The following BRSK1 variants were observed in gnomAD, a reference collection of about 807,000 sequenced individuals.
BRSK1 encodes serine/threonine-protein kinase BRSK1.
BRSK1 carries 17 observed loss-of-function variants against 86.2 expected under a neutral mutation model. The ratio of observed to expected loss-of-function variants is 0.20; its 90% CI spans 0.14 to 0.30. BRSK1 has a LOEUF of 0.30. Among genes scored for constraint, BRSK1 ranks in the 10% least tolerant of loss-of-function variants. The probability of loss-of-function intolerance (pLI) is 1.00; values close to 1 mark genes in which losing one functional copy is unlikely to be tolerated. For missense variants in BRSK1, 719 were observed against 1,071.9 expected, an observed-to-expected ratio of 0.67 and a Z score of 4.60; for synonymous variants, 464 against 440.1, an observed-to-expected ratio of 1.05 and a Z score of -0.68.
Position 55,303,863 on chromosome 19 carries a change from C to G in BRSK1, c.1286+37C>G. ...TGTCCCTCCAGGAGGATCCACAATC[C>G]CTGGGTCTAGGAGTTCAAGATTCTA... On this transcript the variant is annotated intron_variant, in intron 12 of 18. Transcript: ENST00000309383. This position sits in a 1 kb window ranked among gnomAD's most constrained non-coding sequence, Gnocchi z 5.1. The G allele has an allele frequency of 6.5e-7, 1 of 1,540,316 alleles. No homozygotes were observed. Among genetic ancestry groups the G allele is most frequent in the Non-Finnish European group, 8.7e-7 (1 of 1,144,592 alleles).
rs1202149363 is a variant in BRSK1 at position 55,302,718 on chromosome 19, C to T, written c.879C>T (p.Asp293=). The change falls in exon 10 of 19, where the codon GAC becomes GAT. Residue 293 remains aspartate, a synonymous_variant. Coordinates refer to ENST00000309383, the MANE Select transcript of BRSK1 (RefSeq NM_032430.2). This position sits in a 1 kb window ranked among gnomAD's most constrained non-coding sequence, Gnocchi z 6.3. ...CCAGAGGCGGGAAACACGAGCCAGA[C>T]CCGTGCCTGGAGCCAGCCCCTGGCC... ...PWYLGGKHEP[D]PCLEPAPGRR... is the part of the protein sequence containing the mutation. 2.5e-6 allele frequency: 4 copies of T among 1,612,160 alleles called. No individual in the cohort carries two copies. Among genetic ancestry groups the T allele is most frequent in the Non-Finnish European group, 3.4e-6 (4 of 1,178,880 alleles).
At chr19:55,291,246 A>G (rs912827882) in intron 4 of BRSK1, among the ~76,000 whole-genome samples, 1 of 148,806 alleles carries the variant, frequency 6.7e-6, no homozygotes, top group Non-Finnish European at 1.5e-5. Flanking sequence ...ACTTTTAAAG[A>G]TTTTTTTTTT....
intron 8 of BRSK1, chr19:55,301,919 G>A (rs2088575713): frequency 1.3e-6 from 1 of 786,632 alleles, no homozygotes; most frequent in Non-Finnish European, 2.2e-6. Context: ...CTGCGCATGC[G>A]GCAAAGTAAT....
intron 4 of BRSK1, among the ~76,000 whole-genome samples, chr19:55,290,111 C>T (rs182088195): frequency 2.0e-3 from 300 of 152,262 alleles, no homozygotes; most frequent in African/African-American, 6.9e-3. Context: ...TCTCCTGCCT[C>T]AGCCTCCGGA....
In BRSK1 at chr19:55,312,163, G is replaced by C. The variant is rs2088816278; in HGVS notation, c.*95G>C. Reference sequence around the variant, plus strand: ...AAATAAGGCCCAAGGAACATGTCGGGAGGGGGGTGGACACAAAAACCGGCC... The same window carrying C: ...AAATAAGGCCCAAGGAACATGTCGGCAGGGGGGTGGACACAAAAACCGGCC... On this transcript the variant is annotated 3_prime_UTR_variant, in exon 19 of 19. Coordinates refer to ENST00000309383, the MANE Select transcript of BRSK1 (RefSeq NM_032430.2). 1 of 589,542 alleles carries C rather than the reference G, an allele frequency of 1.7e-6. No homozygotes were observed. The highest frequency in any genetic ancestry group is 2.9e-6 in the Non-Finnish European group (1 of 350,048). The allele number at this position is 589,542 out of a possible 1,614,324, so 36.5% of individuals were successfully genotyped here. A position where few individuals can be genotyped will look rare whatever the true frequency, so the allele number is the denominator to read the frequency against.
chr19:55,297,220 G>A (rs1293245567), intron 7 of BRSK1, among the ~76,000 whole-genome samples: 1 of 151,840 alleles, frequency 6.6e-6, no homozygotes, highest in Non-Finnish European at 1.5e-5. Context: ...GGGACTACAG[G>A]CATGTGCCAC....
intron 16 of BRSK1, 152 bp downstream of exon 16, chr19:55,305,738 GCAGGAAAGATT>G: frequency 8.0e-7 from 1 of 1,249,684 alleles, no homozygotes; most frequent in Non-Finnish European, 1.1e-6. Context: ...AAGTCGGTAG[GCAGGAAAGATT>G]TATCGTGGCC....
rs1452780534 is a variant in BRSK1, at chr19:55,307,761, C to G, written c.2090-878C>G. Among the ~76,000 whole-genome samples the G allele has an allele frequency of 2.2e-5, 3 of 137,594 alleles. 1 individual carries two copies. Among genetic ancestry groups the G allele is most frequent in the Admixed American group, 2.2e-4 (3 of 13,772 alleles). The allele number at this position is 137,594 out of a possible 152,430, so 90.3% of individuals were successfully genotyped here. ...AAAAAAATTTATACACACACACACA[C>G]ACACACACACACACACACACACACA... is the stretch of plus-strand genomic sequence containing the variant. On this transcript the variant is annotated intron_variant, in intron 17 of 18. Coordinates refer to ENST00000309383, the MANE Select transcript of BRSK1 (RefSeq NM_032430.2).
intron 4 of BRSK1, among the ~76,000 whole-genome samples, chr19:55,290,614 T>C (rs2088389583): frequency 6.6e-6 from 1 of 152,064 alleles, no homozygotes. Context: ...AGTTTGTTGA[T>C]TTTTTTATTT....
rs1469657254 is a variant in BRSK1 at position 55,312,272 on chromosome 19, TTTTA to T, written c.*211_*214del. 2.6e-6 allele frequency: 1 copy of T among 384,768 alleles called. No individual in the cohort carries two copies. The highest frequency in any genetic ancestry group is 4.6e-6 in the Non-Finnish European group (1 of 218,008). 23.8% of individuals were successfully genotyped at this position (384,768 alleles called of 1,614,324 possible). A position where few individuals can be genotyped will look rare whatever the true frequency, so the allele number is the denominator to read the frequency against. ...ACAGGGGGCGGGGGAGCTGTTTCTA[TTTTA>T]TTTATTGATTAATTTATTATTTTAT... On this transcript the variant is annotated 3_prime_UTR_variant, in exon 19 of 19. Transcript: ENST00000309383.
chr19:55,302,287 C>A lies in BRSK1; in HGVS notation c.857+119C>A. On this transcript the variant is annotated intron_variant, in intron 9 of 18. Transcript: ENST00000309383. The surrounding 1 kb of genome is among the most constrained non-coding windows in gnomAD (Gnocchi z 6.3). Reference sequence around the variant, plus strand: ...TTCCTGAGAGGCAACGGGCTAGGGACTCGGACTTATGGGTCCTGGGGGAAG... The same window carrying A: ...TTCCTGAGAGGCAACGGGCTAGGGAATCGGACTTATGGGTCCTGGGGGAAG... 8.4e-7 allele frequency: 1 copy of A among 1,190,756 alleles called. No homozygotes were observed. Among genetic ancestry groups the A allele is most frequent in the Non-Finnish European group, 1.3e-6 (1 of 797,190 alleles). The allele number at this position is 1,190,756 out of a possible 1,614,324, so 73.8% of individuals were successfully genotyped here.
intron 7 of BRSK1, among the ~76,000 whole-genome samples, chr19:55,299,417 T>C (rs1445243723): frequency 6.6e-6 from 1 of 151,718 alleles, no homozygotes; most frequent in Non-Finnish European, 1.5e-5. Flanking sequence ...ATGGAGACTT[T>C]CTCTGTCACC....
In BRSK1 at chr19:55,305,326, A is replaced by G. The variant is rs755640966; in HGVS notation, c.1723A>G (p.Thr575Ala). ...CTCTGCCTTCCCCCTACCAGTCCCT[A>G]CCGCTGAGGAGATGTCCAGCTTGAC... is the stretch of plus-strand genomic sequence containing the variant. ...RFHRRKMQVPTAEEMSSLTPE... is the reference protein window; with the variant it reads ...RFHRRKMQVPAAEEMSSLTPE... Residue 575 changes from threonine (T) to alanine (A), a missense_variant, in exon 15 of 19, where the codon ACC becomes GCC. This residue lies in a region of BRSK1 where 180 missense variants were observed against 259.4 expected (regional missense o/e 0.69). Transcript: ENST00000309383. 49 of 1,613,874 alleles carry G rather than the reference A, an allele frequency of 3.0e-5. No individual in the cohort carries two copies. The highest frequency in any genetic ancestry group is 1.3e-5 in the African/African-American group (1 of 74,858).
rs1161482877 is a variant in BRSK1 at position 55,306,260 on chromosome 19, C to T, written c.1899C>T (p.Ser633=). 1 of 1,613,910 alleles carries T rather than the reference C, an allele frequency of 6.2e-7. No homozygotes were observed. Among genetic ancestry groups the T allele is most frequent in the Non-Finnish European group, 8.5e-7 (1 of 1,180,034 alleles). Residue 633 remains serine, a synonymous_variant, in exon 17 of 19, where the codon AGC becomes AGT. Coordinates refer to ENST00000309383, the MANE Select transcript of BRSK1 (RefSeq NM_032430.2). The surrounding 1 kb of genome is among the most constrained non-coding windows in gnomAD (Gnocchi z 4.7). ...DIVHAFLSIP[S]LSHSVLSQTS... is the part of the protein sequence containing the mutation. ...GTTCCTACCTCGCTCAGATCCCCAG[C>T]CTGAGTCACAGTGTGCTGTCACAGA...
rs753043046 is a variant in BRSK1 at position 55,294,478 on chromosome 19, G to A, written c.678+81G>A. 7.0e-7 allele frequency: 1 copy of A among 1,435,478 alleles called. No homozygotes were observed. Among genetic ancestry groups the A allele is most frequent in the Non-Finnish European group, 9.6e-7 (1 of 1,044,730 alleles). The allele number at this position is 1,435,478 out of a possible 1,614,324, so 88.9% of individuals were successfully genotyped here. A position where few individuals can be genotyped will look rare whatever the true frequency, so the allele number is the denominator to read the frequency against. ...ATAGGACAGTACCTTCCATCCTCAG[G>A]TCATCTCCTGAATTTATTTATGAAT... On this transcript the variant is annotated intron_variant, in intron 7 of 18. Transcript: ENST00000309383. This position sits in a 1 kb window ranked among gnomAD's most constrained non-coding sequence, Gnocchi z 4.9.
At chr19:55,286,263 TG>T (rs2088315151) in intron 1 of BRSK1, among the ~76,000 whole-genome samples, 1 of 143,194 alleles carries the variant, frequency 7.0e-6, no homozygotes, top group Non-Finnish European at 1.5e-5. Flanking sequence ...GAGGAGGGGC[TG>T]GGGGTCTGGA....
chr19:55,284,140 C>T lies in BRSK1; in HGVS notation c.-303C>T. On this transcript the variant is annotated 5_prime_UTR_variant, in exon 1 of 19. Coordinates refer to ENST00000309383, the MANE Select transcript of BRSK1 (RefSeq NM_032430.2). Reference sequence around the variant, plus strand: ...TCCGCCGGCCCGCACCTCAGACCCCCCCGGCGGGGGGAGGCGCAGGAAGCG... The same window carrying T: ...TCCGCCGGCCCGCACCTCAGACCCCTCCGGCGGGGGGAGGCGCAGGAAGCG... 1 of 1,168,484 alleles carries T rather than the reference C, an allele frequency of 8.6e-7. No homozygotes were observed. Among genetic ancestry groups the T allele is most frequent in the Non-Finnish European group, 1.1e-6 (1 of 931,372 alleles). The allele number at this position is 1,168,484 out of a possible 1,614,324, so 72.4% of individuals were successfully genotyped here. A position where few individuals can be genotyped will look rare whatever the true frequency, so the allele number is the denominator to read the frequency against.
At chr19:55,305,391 A>G (rs775233402) in intron 15 of BRSK1, 22 bp downstream of exon 15, 25 of 1,614,066 alleles carry the variant, frequency 1.5e-5, no homozygotes, top group Non-Finnish European at 1.9e-5. Flanking sequence ...AGGGAAGGAA[A>G]GAGTGGGGAT....
At position 55,304,742 on chromosome 19, in the gene BRSK1, C is replaced by T. The variant is rs535789313; in HGVS notation, c.1539C>T (p.Gly513=). 1.3e-6 allele frequency: 2 copies of T among 1,531,630 alleles called. No homozygotes were observed. The highest frequency in any genetic ancestry group is 1.7e-6 in the Non-Finnish European group (2 of 1,144,250). 94.9% of individuals were successfully genotyped at this position (1,531,630 alleles called of 1,614,324 possible). ...CCCCAGGCTCCCCGCGCTCCTCTGG[C>T]GGGACCCCCTTGCACTCGCCTCTGC... ...PGPPGSPRSS[G]GTPLHSPLHT... The change falls in exon 14 of 19, where the codon GGC becomes GGT. Residue 513 remains glycine (G), a synonymous_variant. Transcript: ENST00000309383. The surrounding 1 kb of genome is among the most constrained non-coding windows in gnomAD (Gnocchi z 5.2).
Sources: gnomAD v4.1 joint callset for allele counts (sites outside exome capture counted in the v4.1 genomes callset) on GRCh38, gnomAD v4.1.1 for gene constraint, gnomAD v4.1.1 regional missense constraint, Gnocchi (gnomAD v3.1) non-coding constraint, MANE v1.5 for transcripts, NCBI Gene and HGNC (gene_info 2026-07-23, HGNC 2026-07-21) for gene names.